The following MAP3K9 variants were observed in gnomAD, a reference collection of about 807,000 sequenced individuals.
MAP3K9 encodes the protein mixed lineage kinase 1 (tyr and ser/thr specificity).
MAP3K9 carries 46 observed loss-of-function variants against 95.8 expected under a neutral mutation model. The observed-to-expected ratio is 0.48, with a 90% confidence interval of 0.38 to 0.61. The LOEUF is 0.61. Among genes scored for constraint, MAP3K9 ranks in the 20% least tolerant of loss-of-function variants. The pLI is 0.00. For synonymous variants in MAP3K9, 533 were observed against 593.8 expected (o/e 0.90, Z 1.49); for missense variants, 1,296 against 1,474.3 (o/e 0.88, Z 1.98).
rs2053871643 is a variant in MAP3K9 at position 70,730,023 on chromosome 14, C to T, written c.*357G>A. ...AAAGGGACCCTATGACAGCTCTGCG[C>T]ACACCCAACTGGCTGAGGAGAGGGA... On this transcript the variant is annotated 3_prime_UTR_variant, in exon 12 of 12. Transcript: ENST00000554752. The T allele has an allele frequency of 3.9e-6, 1 of 255,332 alleles. No homozygotes were observed. Among genetic ancestry groups the T allele is most frequent in the Non-Finnish European group, 7.6e-6 (1 of 131,886 alleles). 15.8% of individuals were successfully genotyped at this position (255,332 alleles called of 1,614,324 possible).
At chr14:70,759,520 A>G (rs1002518523) in intron 3 of MAP3K9, among the ~76,000 whole-genome samples, 3 of 152,204 alleles carry the variant, frequency 2.0e-5, no homozygotes, top group East Asian at 1.9e-4. Flanking sequence ...CTAAAAAGCT[A>G]TATCTATGTC....
intron 3 of MAP3K9, among the ~76,000 whole-genome samples, chr14:70,759,406 C>T (rs892231322): frequency 1.3e-5 from 2 of 152,126 alleles, no homozygotes; most frequent in African/African-American, 2.4e-5. Context: ...CATGCCACTG[C>T]ACTCCAGCCT....
In MAP3K9 at chr14:70,724,479, G is replaced by A. The variant is rs1372760362; in HGVS notation, c.*5901C>T. 1 of 152,146 alleles carries A rather than the reference G, an allele frequency of 6.6e-6. No individual in the cohort carries two copies. 9.4% of individuals were successfully genotyped at this position (152,146 alleles called of 1,614,324 possible). A position where few individuals can be genotyped will look rare whatever the true frequency, so the allele number is the denominator to read the frequency against. The stretch of plus-strand genomic sequence containing the variant: ...CTCTCACAGGTCCAGGTGAGGGGCA[G>A]GCAGGGCTGGGTATAGAGTGGAGTG... On this transcript the variant is annotated 3_prime_UTR_variant, in exon 12 of 12. Transcript: ENST00000554752.
chr14:70,731,441 T>C (rs2053901705), intron 11 of MAP3K9, among the ~76,000 whole-genome samples: 1 of 151,770 alleles, frequency 6.6e-6, no homozygotes, highest in African/African-American at 2.4e-5. Flanking sequence ...AGAAACTTTG[T>C]CTCAAAAAAA....
In MAP3K9 at chr14:70,730,517, G is replaced by C. The variant is rs768491592; in HGVS notation, c.3178C>G (p.Leu1060Val). The change falls in exon 12 of 12, where the codon CTG (leucine) becomes GTG (valine). Residue 1060 changes from leucine to valine, a missense_variant. By Grantham distance (32) the Leu-to-Val change is conservative. Coordinates refer to ENST00000554752, the MANE Select transcript of MAP3K9 (RefSeq NM_001284230.2). ...AGGAGCGTCCGCTCAGTCGGGGGCA[G>C]CGGCCCTGCCTGGAACGGGAGCAGG... ...PALLPFQAGP[L>V]PPTERTLLDL... is the part of the protein sequence containing the mutation. 6.2e-6 allele frequency: 10 copies of C among 1,613,872 alleles called. No individual in the cohort carries two copies.
chr14:70,795,881 G>A (rs2054859268), intron 2 of MAP3K9, among the ~76,000 whole-genome samples: 1 of 151,274 alleles, frequency 6.6e-6, no homozygotes, highest in African/African-American at 2.4e-5. Flanking sequence ...TCAGCCTCCC[G>A]AGTAGCTGGG....
Position 70,732,599 on chromosome 14 carries a change from C to G in MAP3K9, c.2770G>C (p.Glu924Gln), listed in dbSNP as rs760106094. ...RTPSDGALKP[E>Q]TLLASRSPSS... ...GGGCTCCTGCTGGCTAGGAGAGTCT[C>G]TGGCTTAAGGGCCCCATCAGAAGGA... is the stretch of plus-strand genomic sequence containing the variant. Residue 924 changes from glutamate (E) to glutamine (Q), a missense_variant, in exon 11 of 12, where the codon GAG (glutamate) becomes CAG (glutamine). Glu to Gln is a conservative substitution (Grantham distance 29). This residue lies in a region of MAP3K9 where 433 missense variants were observed against 441.4 expected (regional missense o/e 0.98). Transcript: ENST00000554752. 2.2e-5 allele frequency: 35 copies of G among 1,606,394 alleles called. No individual in the cohort carries two copies. Among genetic ancestry groups the G allele is most frequent in the Non-Finnish European group, 2.7e-5 (32 of 1,175,766 alleles).
intron 1 of MAP3K9, among the ~76,000 whole-genome samples, chr14:70,806,585 A>G (rs1566772422): frequency 6.6e-6 from 1 of 152,204 alleles, no homozygotes; most frequent in Admixed American, 6.5e-5. Flanking sequence ...AATCCACTCT[A>G]TCCAAGATAA....
intron 7 of MAP3K9, chr14:70,739,759 G>C: frequency 1.1e-6 from 1 of 896,520 alleles, no homozygotes; most frequent in Non-Finnish European, 1.6e-6. Flanking sequence ...TCACACACCA[G>C]TTTCTAAATT....
At chr14:70,734,866 A>G (rs1421241489) in intron 9 of MAP3K9, among the ~76,000 whole-genome samples, 1 of 152,230 alleles carries the variant, frequency 6.6e-6, no homozygotes, top group Non-Finnish European at 1.5e-5. Flanking sequence ...CAACACATTC[A>G]TGGCATGACA....
intron 2 of MAP3K9, among the ~76,000 whole-genome samples, chr14:70,765,754 A>AC (rs2054444340): frequency 1.9e-5 from 2 of 105,176 alleles, no homozygotes; most frequent in African/African-American, 6.5e-5. Context: ...AAAAAAACAA[A>AC]AAAAAACAAA....
chr14:70,776,883 G>A (rs2054606436), intron 2 of MAP3K9, among the ~76,000 whole-genome samples: 1 of 149,292 alleles, frequency 6.7e-6, no homozygotes, highest in African/African-American at 2.5e-5. Context: ...CCAGGTTTGA[G>A]TGCAATGGCT....
chr14:70,754,181 T>C (rs934882548), intron 3 of MAP3K9, among the ~76,000 whole-genome samples: 1 of 152,230 alleles, frequency 6.6e-6, no homozygotes, highest in Non-Finnish European at 1.5e-5. Flanking sequence ...TGAACCCTCA[T>C]TCAAAATGAT....
intron 2 of MAP3K9, among the ~76,000 whole-genome samples, chr14:70,796,655 C>T (rs2054867696): frequency 1.3e-5 from 2 of 152,158 alleles, no homozygotes; most frequent in South Asian, 4.1e-4. Context: ...GCTGGACTTC[C>T]GGGAGATTAA....
At chr14:70,772,485 A>G (rs1178598426) in intron 2 of MAP3K9, among the ~76,000 whole-genome samples, 1 of 152,214 alleles carries the variant, frequency 6.6e-6, no homozygotes, top group Non-Finnish European at 1.5e-5. Flanking sequence ...AAGAGGAATA[A>G]TAAGCGCTCA....
intron 2 of MAP3K9, among the ~76,000 whole-genome samples, chr14:70,765,729 A>C (rs2054441513): frequency 2.3e-5 from 3 of 131,180 alleles, no homozygotes; most frequent in Admixed American, 8.1e-5. Context: ...ATACACCAAC[A>C]ACAGCTAAAA....
intron 2 of MAP3K9, among the ~76,000 whole-genome samples, chr14:70,788,508 C>T (rs1314106890): frequency 2.0e-5 from 3 of 152,176 alleles, no homozygotes; most frequent in Non-Finnish European, 4.4e-5. Flanking sequence ...GTATCATTTG[C>T]TCAAGGTCCT....
chr14:70,799,292 C>T (rs1175672949), intron 2 of MAP3K9, among the ~76,000 whole-genome samples: 1 of 152,114 alleles, frequency 6.6e-6, no homozygotes, highest in Non-Finnish European at 1.5e-5. Flanking sequence ...GGATTACAGA[C>T]ATGAGCCACT....
intron 8 of MAP3K9, among the ~76,000 whole-genome samples, chr14:70,736,373 A>G (rs2053986873): frequency 6.6e-6 from 1 of 152,226 alleles, no homozygotes; most frequent in Non-Finnish European, 1.5e-5. Flanking sequence ...ACTGAATTCA[A>G]AATGGCTTTT....
Sources: allele counts gnomAD v4.1 joint callset (sites outside exome capture counted in the v4.1 genomes callset), GRCh38; gene constraint gnomAD v4.1.1; regional missense constraint gnomAD v4.1.1; transcripts MANE v1.5; gene names NCBI Gene and HGNC (gene_info 2026-07-23, HGNC 2026-07-21).